DUSP10: variants seen among roughly 807,000 people sequenced by gnomAD.
DUSP10 encodes dual specificity protein phosphatase 10.
Under a neutral mutation model 30.8 loss-of-function variants are expected in DUSP10, and 14 were observed. The observed-to-expected ratio is 0.46, with a 90% CI of 0.30 to 0.71. The LOEUF is 0.71. DUSP10 is among the 30% of genes least tolerant of loss of function. The probability of loss-of-function intolerance (pLI) is 0.08; values close to 1 mark genes in which losing one functional copy is unlikely to be tolerated. For synonymous variants in DUSP10, 254 were observed against 250.4 expected (o/e 1.01, Z -0.14); for missense variants, 550 against 619.4 (o/e 0.89, Z 1.19).
chr1:221,706,260 G>A lies in DUSP10; in HGVS notation c.1018C>T (p.Leu340=), dbSNP rs199959844. 1.2e-6 allele frequency: 2 copies of A among 1,614,204 alleles called. No homozygotes were observed. The highest frequency in any genetic ancestry group is 2.7e-5 in the African/African-American group (2 of 75,054). ...ATGTTCAGCCGCTGCATGGTGTCCAGGTCCTGAGCATCCTGCTCATTGCCA... is the reference window on the plus strand; with the variant it reads ...ATGTTCAGCCGCTGCATGGTGTCCAAGTCCTGAGCATCCTGCTCATTGCCA... The part of the protein sequence containing the change: ...FLGNEQDAQD[L]DTMQRLNIGY... The change falls in exon 3 of 4, where the codon CTG becomes TTG. Residue 340 remains leucine, a synonymous_variant. Coordinates refer to ENST00000366899, the MANE Select transcript of DUSP10 (RefSeq NM_007207.6). This position sits in a 1 kb window ranked among gnomAD's most constrained non-coding sequence, Gnocchi z 4.6.
At chr1:221,726,593 G>A (rs1336675890) in intron 2 of DUSP10, among the ~76,000 whole-genome samples, 1 of 150,270 alleles carries the variant, frequency 6.7e-6, no homozygotes, top group Admixed American at 6.7e-5. Flanking sequence ...TTTCTAAAAT[G>A]TTCTTAATAT....
At position 221,702,821 on chromosome 1, in the gene DUSP10, T is replaced by C; in HGVS notation, c.1184-144A>G. On this transcript the variant is annotated intron_variant, in intron 3 of 3. Coordinates refer to ENST00000366899, the MANE Select transcript of DUSP10 (RefSeq NM_007207.6). This position sits in a 1 kb window ranked among gnomAD's most constrained non-coding sequence, Gnocchi z 4.5. ...AGTTTTAAAGCCAAGTATAATCCAC[T>C]AGTTCATTACGTATACTTATGTCAC... The C allele has an allele frequency of 1.2e-6, 1 of 844,584 alleles. No individual in the cohort carries two copies. Among genetic ancestry groups the C allele is most frequent in the Non-Finnish European group, 1.8e-6 (1 of 558,080 alleles). 52.3% of individuals were successfully genotyped at this position (844,584 alleles called of 1,614,324 possible). A position where few individuals can be genotyped will look rare whatever the true frequency, so the allele number is the denominator to read the frequency against.
At chr1:221,703,628 AGAGCAATT>A (rs1024008344) in intron 3 of DUSP10, among the ~76,000 whole-genome samples, 7 of 152,238 alleles carry the variant, frequency 4.6e-5, no homozygotes, top group Admixed American at 1.3e-4. Context: ...CTCAAAATCC[AGAGCAATT>A]GAAAGAGGAA....
Position 221,738,940 on chromosome 1 carries a change from A to G in DUSP10, c.805T>C (p.Leu269=), listed in dbSNP as rs1300614518. The G allele has an allele frequency of 2.5e-6, 4 of 1,606,136 alleles. No individual in the cohort carries two copies. The highest frequency in any genetic ancestry group is 1.3e-5 in the African/African-American group (1 of 74,690). The change falls in exon 2 of 4, where the codon TTG becomes CTG. Residue 269 remains leucine, a synonymous_variant. Coordinates refer to ENST00000366899, the MANE Select transcript of DUSP10 (RefSeq NM_007207.6). ...LKREGKEPLV[L]KGGLSSFKQN... is the part of the protein sequence containing the mutation. ...AAGGGAGCAGGGGCATTACCTTTCA[A>G]CACCAGAGGTTCTTTGCCTTCTCTC...
At chr1:221,731,353 G>A (rs948530805) in intron 2 of DUSP10, among the ~76,000 whole-genome samples, 1 of 151,898 alleles carries the variant, frequency 6.6e-6, no homozygotes, top group African/African-American at 2.4e-5. Context: ...TCTTTCCATA[G>A]AGAGCATGCA....
At chr1:221,731,900 C>T (rs1050590223) in intron 2 of DUSP10, among the ~76,000 whole-genome samples, 55 of 151,914 alleles carry the variant, frequency 3.6e-4, no homozygotes, top group African/African-American at 1.2e-3. Context: ...AGCCACCACA[C>T]CCGGCTGGCT....
At chr1:221,712,704 A>C (rs1201478694) in intron 2 of DUSP10, among the ~76,000 whole-genome samples, 1 of 150,204 alleles carries the variant, frequency 6.7e-6, no homozygotes, top group African/African-American at 2.4e-5. Context: ...TCCTGTGTGA[A>C]GGAGACACAG....
At chr1:221,735,040 G>A (rs914685069) in intron 2 of DUSP10, among the ~76,000 whole-genome samples, 1 of 152,064 alleles carries the variant, frequency 6.6e-6, no homozygotes, top group African/African-American at 2.4e-5. Flanking sequence ...TTTTCAACTA[G>A]GGAAAAGTGT....
intron 2 of DUSP10, among the ~76,000 whole-genome samples, chr1:221,716,677 A>G (rs1165550106): frequency 2.6e-5 from 4 of 152,236 alleles, no homozygotes; most frequent in African/African-American, 9.6e-5. Flanking sequence ...GGTGCCTACC[A>G]AGATCCAGTC....
chr1:221,723,356 C>T (rs1460869963), intron 2 of DUSP10, among the ~76,000 whole-genome samples: 1 of 152,242 alleles, frequency 6.6e-6, no homozygotes, highest in Non-Finnish European at 1.5e-5. Flanking sequence ...CAGCACTTAG[C>T]TCTCTCAGCT....
intron 1 of DUSP10, among the ~76,000 whole-genome samples, chr1:221,741,438 TAG>T (rs35601317): frequency 0.1 from 15,224 of 151,686 alleles, 862 homozygotes; most frequent in Middle Eastern, 0.19. Context: ...ACGGAGTGTA[TAG>T]AGAGACCTGC....
chr1:221,736,953 T>A, intron 2 of DUSP10: 1 of 985,438 alleles, frequency 1.0e-6, no homozygotes, highest in Non-Finnish European at 1.2e-6. Context: ...GTCAGCAGTG[T>A]GTCCTGCCCC....
At position 221,702,262 on chromosome 1, in the gene DUSP10, G is replaced by T; in HGVS notation, c.*150C>A. The stretch of plus-strand genomic sequence containing the variant: ...CAAAAGTTATAGTCTTCTTACACTT[G>T]TTAAAAATAAAGTGTTTAAACAAGT... On this transcript the variant is annotated 3_prime_UTR_variant, in exon 4 of 4. Transcript: ENST00000366899. This position sits in a 1 kb window ranked among gnomAD's most constrained non-coding sequence, Gnocchi z 4.5. 1 of 884,832 alleles carries T rather than the reference G, an allele frequency of 1.1e-6. No homozygotes were observed. Among genetic ancestry groups the T allele is most frequent in the Non-Finnish European group, 1.7e-6 (1 of 583,564 alleles). 54.8% of individuals were successfully genotyped at this position (884,832 alleles called of 1,614,324 possible).
intron 3 of DUSP10, among the ~76,000 whole-genome samples, chr1:221,703,838 T>C (rs576918513): frequency 6.0e-4 from 92 of 152,200 alleles, no homozygotes; most frequent in Admixed American, 9.8e-4. Context: ...AAACTACATC[T>C]ACTGGCTACC....
intron 2 of DUSP10, among the ~76,000 whole-genome samples, chr1:221,722,578 A>G (rs1661308120): frequency 6.6e-6 from 1 of 152,240 alleles, no homozygotes; most frequent in Admixed American, 6.5e-5. Flanking sequence ...CTTCTTTTAT[A>G]CATTCCAAAA....
At chr1:221,731,607 T>C (rs1221391076) in intron 2 of DUSP10, among the ~76,000 whole-genome samples, 1 of 123,434 alleles carries the variant, frequency 8.1e-6, no homozygotes, top group Non-Finnish European at 1.6e-5. Flanking sequence ...TTTCTTTTTT[T>C]TTTTTTTTTT....
At chr1:221,716,786 A>G (rs1427686417) in intron 2 of DUSP10, among the ~76,000 whole-genome samples, 2 of 152,204 alleles carry the variant, frequency 1.3e-5, no homozygotes, top group African/African-American at 4.8e-5. Context: ...GTACGTGTCT[A>G]AACTTTACCT....
In DUSP10 at chr1:221,706,345, G is replaced by C. The variant is rs1350713664; in HGVS notation, c.933C>G (p.Ile311Met). ...SAASSLLPQP[I>M]PTTPDIENAE... The stretch of plus-strand genomic sequence containing the variant: ...CGTTCTCGATGTCAGGGGTGGTGGG[G>C]ATGGGCTGAGGTAGCAAGCTCGAGG... Residue 311 changes from isoleucine to methionine, a missense_variant, in exon 3 of 4, where the codon ATC becomes ATG. Coordinates refer to ENST00000366899, the MANE Select transcript of DUSP10 (RefSeq NM_007207.6). The surrounding 1 kb of genome is among the most constrained non-coding windows in gnomAD (Gnocchi z 4.6). 4 of 1,611,044 alleles carry C rather than the reference G, an allele frequency of 2.5e-6. No homozygotes were observed. Among genetic ancestry groups the C allele is most frequent in the Non-Finnish European group, 3.4e-6 (4 of 1,177,594 alleles).
intron 3 of DUSP10, among the ~76,000 whole-genome samples, chr1:221,703,506 T>C (rs951460663): frequency 1.3e-5 from 2 of 152,202 alleles, no homozygotes; most frequent in African/African-American, 2.4e-5. Flanking sequence ...AACTAAAGGC[T>C]AGTAGTATAC....
Sources: gnomAD v4.1 joint callset for allele counts (sites outside exome capture counted in the v4.1 genomes callset) on GRCh38, gnomAD v4.1.1 for gene constraint, Gnocchi (gnomAD v3.1) non-coding constraint, MANE v1.5 for transcripts, NCBI Gene and HGNC (gene_info 2026-07-23, HGNC 2026-07-21) for gene names.